UNC5D: variants seen among roughly 807,000 people sequenced by gnomAD.
The protein encoded by UNC5D is netrin receptor UNC5D.
UNC5D carries 39 observed loss-of-function variants against 105.4 expected under a neutral mutation model. The ratio of observed to expected loss-of-function variants is 0.37; its 90% CI spans 0.29 to 0.48. The LOEUF (loss-of-function observed/expected upper bound fraction) is 0.48. Among genes scored for constraint, UNC5D ranks in the 20% least tolerant of loss-of-function variants. The pLI is 0.98. For synonymous variants in UNC5D, 452 were observed against 450.4 expected (o/e 1.00, Z -0.04); for missense variants, 991 against 1,202.4 (o/e 0.82, Z 2.60).
Position 35,722,356 on chromosome 8 carries a change from G to A in UNC5D, c.1264G>A (p.Gly422Ser), listed in dbSNP as rs761993145. ...VDVIDSSALT[G>S]GFQTFNFKTV... ...CGTCATTGACTCTTCTGCATTGACA[G>A]GTGGCTTCCAGACCTTCAACTTCAA... The change falls in exon 9 of 17, where the codon GGT becomes AGT. Residue 422 changes from glycine to serine, a missense_variant. Physicochemically the swap from Gly to Ser is moderately conservative, Grantham distance 56. Coordinates refer to ENST00000404895, the MANE Select transcript of UNC5D (RefSeq NM_080872.4). 5.6e-6 allele frequency: 9 copies of A among 1,614,122 alleles called. No homozygotes were observed. The highest frequency in any genetic ancestry group is 4.5e-5 in the East Asian group (2 of 44,874).
At chr8:35,607,008 C>A (rs1820336418) in intron 4 of UNC5D, among the ~76,000 whole-genome samples, 1 of 152,298 alleles carries the variant, frequency 6.6e-6, no homozygotes, top group East Asian at 1.9e-4. Context: ...CACATCCCTA[C>A]CTGTTTCTTG....
chr8:35,737,249 G>GCT (rs1491407915), intron 11 of UNC5D, among the ~76,000 whole-genome samples: 1 of 126,888 alleles, frequency 7.9e-6, no homozygotes, highest in African/African-American at 3.2e-5. Context: ...GGCAAGATCT[G>GCT]CTCTGTGTGT....
At chr8:35,438,995 G>T (rs2128982001) in intron 1 of UNC5D, among the ~76,000 whole-genome samples, 1 of 152,016 alleles carries the variant, frequency 6.6e-6, no homozygotes, top group African/African-American at 2.4e-5. Flanking sequence ...CCAGAAATCT[G>T]GCCTGATGAA....
chr8:35,754,319 A>G (rs1404611915), intron 13 of UNC5D, among the ~76,000 whole-genome samples: 2 of 152,228 alleles, frequency 1.3e-5, no homozygotes, highest in Non-Finnish European at 2.9e-5. Context: ...AACTATCCTT[A>G]TGATGATACG....
At chr8:35,689,629 G>A (rs1488855272) in intron 7 of UNC5D, among the ~76,000 whole-genome samples, 10 of 152,224 alleles carry the variant, frequency 6.6e-5, no homozygotes, top group Non-Finnish European at 2.9e-5. Flanking sequence ...CCAGTTGGAA[G>A]GCTGTCAGGC....
intron 4 of UNC5D, among the ~76,000 whole-genome samples, chr8:35,679,013 G>A (rs1825473224): frequency 6.6e-6 from 1 of 152,018 alleles, no homozygotes; most frequent in Admixed American, 6.6e-5. Flanking sequence ...AGCACTTTAA[G>A]AGGCCAAGGT....
intron 12 of UNC5D, 24 bp from the exon 13 acceptor site, chr8:35,750,558 G>A: frequency 6.2e-7 from 1 of 1,607,784 alleles, no homozygotes. Flanking sequence ...CCAAGTGAGA[G>A]AATAAACATA....
In UNC5D at chr8:35,567,506, T is replaced by A. The variant is rs964844449; in HGVS notation, c.323-592T>A. Reference sequence around the variant, plus strand: ...CCCCATCGCTTAAAAAAAAAATACTTATTTCAACTTGTCTCCTCTTTGTGC... The same window carrying A: ...CCCCATCGCTTAAAAAAAAAATACTAATTTCAACTTGTCTCCTCTTTGTGC... On this transcript the variant is annotated intron_variant, in intron 2 of 16. Coordinates refer to ENST00000404895, the MANE Select transcript of UNC5D (RefSeq NM_080872.4). Among the ~76,000 whole-genome samples the A allele has an allele frequency of 3.9e-5, 6 of 152,270 alleles. No homozygotes were observed. In the East Asian group the frequency reaches 1.2e-3, roughly 29 times the overall value.
At chr8:35,580,266 A>G (rs1291133091) in intron 3 of UNC5D, among the ~76,000 whole-genome samples, 1 of 152,146 alleles carries the variant, frequency 6.6e-6, no homozygotes, top group African/African-American at 2.4e-5. Context: ...TTTCAAGGAT[A>G]TGAGAGCAGA....
At chr8:35,664,884 A>G (rs1236044432) in intron 4 of UNC5D, among the ~76,000 whole-genome samples, 2 of 152,100 alleles carry the variant, frequency 1.3e-5, no homozygotes, top group Admixed American at 1.3e-4. Context: ...TTCCTCTGTC[A>G]TCCAGGCTGT....
At chr8:35,413,474 T>C (rs1403191375) in intron 1 of UNC5D, among the ~76,000 whole-genome samples, 1 of 151,876 alleles carries the variant, frequency 6.6e-6, no homozygotes, top group Non-Finnish European at 1.5e-5. Context: ...TTTTTTTTTT[T>C]TAACTGCGGC....
At chr8:35,616,570 G>T (rs1821038852) in intron 4 of UNC5D, among the ~76,000 whole-genome samples, 1 of 152,186 alleles carries the variant, frequency 6.6e-6, no homozygotes, top group African/African-American at 2.4e-5. Flanking sequence ...GTTTGGCAGG[G>T]TTGCTTAGTG....
intron 15 of UNC5D, 145 bp from the exon 16 acceptor site, chr8:35,774,154 A>G: frequency 1.2e-6 from 1 of 811,438 alleles, no homozygotes; most frequent in Non-Finnish European, 1.9e-6. Context: ...AGAAAGGGGA[A>G]CTTATCAATG....
chr8:35,698,762 T>A (rs1256221100), intron 7 of UNC5D, among the ~76,000 whole-genome samples: 1 of 152,206 alleles, frequency 6.6e-6, no homozygotes, highest in African/African-American at 2.4e-5. Flanking sequence ...TTCATTTTGA[T>A]ATTTTTAAAC....
chr8:35,578,461 A>C (rs1425811611), intron 3 of UNC5D, among the ~76,000 whole-genome samples: 1 of 152,186 alleles, frequency 6.6e-6, no homozygotes, highest in Non-Finnish European at 1.5e-5. Flanking sequence ...AAGCCACCAG[A>C]TAGACATGGC....
chr8:35,732,157 A>G (rs1417499433), intron 11 of UNC5D, among the ~76,000 whole-genome samples: 1 of 152,216 alleles, frequency 6.6e-6, no homozygotes, highest in Non-Finnish European at 1.5e-5. Context: ...CACATGAAAG[A>G]AAAACACTGG....
At chr8:35,399,769 C>T (rs1804334241) in intron 1 of UNC5D, among the ~76,000 whole-genome samples, 2 of 151,880 alleles carry the variant, frequency 1.3e-5, no homozygotes, top group Non-Finnish European at 2.9e-5. Flanking sequence ...GATTGCCCAC[C>T]AAGAAGGTTC....
chr8:35,648,136 G>A (rs1395307193), intron 4 of UNC5D, among the ~76,000 whole-genome samples: 1 of 152,074 alleles, frequency 6.6e-6, no homozygotes, highest in Non-Finnish European at 1.5e-5. Context: ...AACATGAGTG[G>A]GTGTTCCAAA....
intron 4 of UNC5D, among the ~76,000 whole-genome samples, chr8:35,647,392 G>GTT (rs1486852706): frequency 6.6e-6 from 1 of 151,136 alleles, no homozygotes; most frequent in Non-Finnish European, 1.5e-5. Flanking sequence ...GTGTATTTGT[G>GTT]TGTGTGTGTG....
Sources: allele counts gnomAD v4.1 joint callset (sites outside exome capture counted in the v4.1 genomes callset), GRCh38; gene constraint gnomAD v4.1.1; transcripts MANE v1.5; gene names NCBI Gene and HGNC (gene_info 2026-07-23, HGNC 2026-07-21).